DAB2IP: variants seen among roughly 807,000 people sequenced by gnomAD.
The protein encoded by DAB2IP is disabled homolog 2-interacting protein.
A neutral mutation model predicts 107.2 loss-of-function variants in DAB2IP; 28 were observed. The observed-to-expected ratio is 0.26, with a 90% CI of 0.19 to 0.36. DAB2IP has a LOEUF of 0.36. Ranked by LOEUF, DAB2IP falls within the 10% of genes least tolerant of loss-of-function variation. DAB2IP has a pLI of 1.00. For missense variants in DAB2IP, 1,400 were observed against 1,644.7 expected (o/e 0.85, Z 2.57); for synonymous variants, 755 against 706.4 (o/e 1.07, Z -1.09).
In DAB2IP at chr9:121,587,614, GAAA is replaced by G. The variant is rs368945381; in HGVS notation, c.40+20400_40+20402del. Among the ~76,000 whole-genome samples, 280 of 87,916 alleles carry G rather than the reference GAAA, an allele frequency of 3.2e-3. 1 individual carries two copies. Among genetic ancestry groups the G allele is most frequent in the Non-Finnish European group, 5.5e-3 (219 of 39,552 alleles). The allele number at this position is 87,916 out of a possible 152,430, so 57.7% of individuals were successfully genotyped here. A position where few individuals can be genotyped will look rare whatever the true frequency, so the allele number is the denominator to read the frequency against. On this transcript the variant is annotated intron_variant, in intron 1 of 16. Transcript: ENST00000259371. ...TCAGAGTGAGATCCTGTCTCGAAAA[GAAA>G]AAAAAAAAAAAAAGAATAGGGTTGA...
intron 2 of DAB2IP, among the ~76,000 whole-genome samples, chr9:121,693,997 A>G (rs1442541407): frequency 6.6e-6 from 1 of 152,082 alleles, no homozygotes; most frequent in Non-Finnish European, 1.5e-5. Flanking sequence ...TGGCACAGAC[A>G]AGGACAGCAC....
chr9:121,733,936 T>A (rs1443265569), intron 3 of DAB2IP, among the ~76,000 whole-genome samples: 2 of 152,212 alleles, frequency 1.3e-5, no homozygotes, highest in African/African-American at 4.8e-5. Context: ...GACCTACTGA[T>A]GGGCGAGGCC....
chr9:121,596,881 A>G (rs1013800613), intron 1 of DAB2IP, among the ~76,000 whole-genome samples: 8 of 152,200 alleles, frequency 5.3e-5, no homozygotes, highest in African/African-American at 1.9e-4. Context: ...TCCAGACTCC[A>G]GGTCCCTACT....
At position 121,776,460 on chromosome 9, in the gene DAB2IP, C is replaced by G. The variant is rs934427832; in HGVS notation, c.3314+69C>G. 1 of 1,438,044 alleles carries G rather than the reference C, an allele frequency of 7.0e-7. No individual in the cohort carries two copies. Among genetic ancestry groups the G allele is most frequent in the Non-Finnish European group, 9.2e-7 (1 of 1,087,950 alleles). The allele number at this position is 1,438,044 out of a possible 1,614,324, so 89.1% of individuals were successfully genotyped here. On this transcript the variant is annotated intron_variant, in intron 14 of 15. Coordinates refer to ENST00000408936, the Ensembl canonical transcript of DAB2IP. The surrounding 1 kb of genome is among the most constrained non-coding windows in gnomAD (Gnocchi z 5.4). The stretch of plus-strand genomic sequence containing the variant: ...GCAGCCATCGCTGCCTTCGAGGAGG[C>G]CCCTGGTCGGGGAGCCTCCTCAAAG...
chr9:121,746,042 G>C (rs1324279434), intron 3 of DAB2IP, among the ~76,000 whole-genome samples: 1 of 152,192 alleles, frequency 6.6e-6, no homozygotes, highest in East Asian at 1.9e-4. Context: ...GAGGTGGTCT[G>C]GGGTCAGTTG....
At chr9:121,774,118 G>A (rs557343904) in intron 12 of DAB2IP, 142 bp from the exon 13 acceptor site, 17 of 961,546 alleles carry the variant, frequency 1.8e-5, no homozygotes, top group East Asian at 3.1e-5. Context: ...GGACTGCCTC[G>A]GTAGGCGCTC....
chr9:121,759,744 C>T, intron 5 of DAB2IP, 141 bp from the exon 6 acceptor site: 2 of 697,936 alleles, frequency 2.9e-6, no homozygotes, highest in Non-Finnish European at 4.7e-6. Context: ...CTGCCTCATC[C>T]TGACTTAGGG....
At chr9:121,609,601 C>T (rs1831018656) in intron 1 of DAB2IP, among the ~76,000 whole-genome samples, 1 of 152,246 alleles carries the variant, frequency 6.6e-6, no homozygotes, top group Admixed American at 6.5e-5. Flanking sequence ...CCTTCCCTAG[C>T]TAGGCCAAGG....
Position 121,679,413 on chromosome 9 carries a change from TACACACACACACACAC to T in DAB2IP, c.228+657_228+672del, listed in dbSNP as rs3138857. The stretch of plus-strand genomic sequence containing the variant: ...TCATACCCTTCTGCATTTGTGCATG[TACACACACACACACAC>T]ACACACACACACACACACACACACC... On this transcript the variant is annotated intron_variant, in intron 2 of 15. Coordinates refer to ENST00000408936, the Ensembl canonical transcript of DAB2IP. Among the ~76,000 whole-genome samples, 3 of 135,634 alleles carry T rather than the reference TACACACACACACACAC, an allele frequency of 2.2e-5. No homozygotes were observed. In the East Asian group the frequency reaches 6.6e-4, roughly 30 times the overall value. The allele number at this position is 135,634 out of a possible 152,430, so 89.0% of individuals were successfully genotyped here. A position where few individuals can be genotyped will look rare whatever the true frequency, so the allele number is the denominator to read the frequency against.
chr9:121,781,632 G>A, intron 15 of DAB2IP, 81 bp downstream of exon 15: 1 of 1,397,238 alleles, frequency 7.2e-7, no homozygotes, highest in Non-Finnish European at 1.0e-6. Flanking sequence ...TCCATCCTCA[G>A]TCATACCTCA....
intron 1 of DAB2IP, chr9:121,598,647 G>C (rs1830584771): frequency 6.6e-6 from 1 of 152,270 alleles, no homozygotes; most frequent in African/African-American, 2.4e-5. Flanking sequence ...GCGCCTCCAG[G>C]CGCGCCCTCG....
At chr9:121,741,130 C>G (rs538536521) in intron 3 of DAB2IP, among the ~76,000 whole-genome samples, 1 of 152,292 alleles carries the variant, frequency 6.6e-6, no homozygotes, top group Non-Finnish European at 1.5e-5. Flanking sequence ...TGCTCGACAC[C>G]CCCTCCTCTC....
intron 1 of DAB2IP, among the ~76,000 whole-genome samples, chr9:121,639,890 C>T (rs191430014): frequency 6.6e-6 from 1 of 152,304 alleles, no homozygotes; most frequent in African/African-American, 2.4e-5. Flanking sequence ...ATGAAAAATG[C>T]AGACTCCTGG....
At chr9:121,669,459 G>A (rs1256267693) in intron 1 of DAB2IP, among the ~76,000 whole-genome samples, 1 of 152,144 alleles carries the variant, frequency 6.6e-6, no homozygotes, top group Non-Finnish European at 1.5e-5. Context: ...GCACCATGGG[G>A]CATCTCAGAA....
intron 1 of DAB2IP, among the ~76,000 whole-genome samples, chr9:121,615,736 C>T (rs1831249719): frequency 6.6e-6 from 1 of 152,090 alleles, no homozygotes; most frequent in East Asian, 1.9e-4. Context: ...AAGCGATTCT[C>T]CTGCCTCAGC....
At chr9:121,781,634 C>G in intron 15 of DAB2IP, 83 bp downstream of exon 15, 1 of 1,368,040 alleles carries the variant, frequency 7.3e-7, no homozygotes, top group Non-Finnish European at 1.0e-6. Context: ...CATCCTCAGT[C>G]ATACCTCACT....
intron 8 of DAB2IP, among the ~76,000 whole-genome samples, chr9:121,765,923 C>G (rs975995491): frequency 6.6e-6 from 1 of 152,200 alleles, no homozygotes; most frequent in Non-Finnish European, 1.5e-5. Flanking sequence ...CCACCGTGTT[C>G]AGGGGTAGTC....
In DAB2IP at chr9:121,579,327, C is replaced by T. The variant is rs1830138970; in HGVS notation, c.40+12099C>T. Among the ~76,000 whole-genome samples the T allele has an allele frequency of 2.0e-5, 3 of 152,180 alleles. No individual in the cohort carries two copies. The East Asian group carries it at 5.8e-4, about 29-fold the overall frequency. On this transcript the variant is annotated intron_variant, in intron 1 of 16. Coordinates refer to the DAB2IP transcript ENST00000259371. ...CCATTGCTTGAATCTCTCTCCTACCCCCCCACCCTGAGGACCCCACAGTCT... is the reference window on the plus strand; with the variant it reads ...CCATTGCTTGAATCTCTCTCCTACCTCCCCACCCTGAGGACCCCACAGTCT...
intron 6 of DAB2IP, among the ~76,000 whole-genome samples, chr9:121,763,165 G>T (rs1001637582): frequency 6.6e-6 from 1 of 152,228 alleles, no homozygotes; most frequent in East Asian, 1.9e-4. Flanking sequence ...GTGGTCACCA[G>T]GCCAGGCCTG....
Sources: allele counts gnomAD v4.1 joint callset (sites outside exome capture counted in the v4.1 genomes callset), GRCh38; gene constraint gnomAD v4.1.1; non-coding constraint Gnocchi (gnomAD v3.1); transcripts MANE v1.5; gene names NCBI Gene and HGNC (gene_info 2026-07-23, HGNC 2026-07-21).